The following ITGA9 variants were observed in gnomAD, a reference collection of about 807,000 sequenced individuals.
ITGA9 encodes the protein integrin subunit alpha 9.
A neutral mutation model predicts 127.8 loss-of-function variants in ITGA9; 56 were observed. The observed-to-expected ratio is 0.44, with a 90% confidence interval of 0.35 to 0.55. The LOEUF (loss-of-function observed/expected upper bound fraction) is 0.55, where lower values mean the gene tolerates loss of function less well. Among genes scored for constraint, ITGA9 ranks in the 20% least tolerant of loss-of-function variants. The pLI is 0.00. For synonymous variants in ITGA9, 508 were observed against 514.5 expected, an observed-to-expected ratio of 0.99 and a Z score of 0.17; for missense variants, 1,196 against 1,347.1, an observed-to-expected ratio of 0.89 and a Z score of 1.76.
At chr3:37,580,959 G>A (rs2125609604) in intron 15 of ITGA9, among the ~76,000 whole-genome samples, 1 of 152,268 alleles carries the variant, frequency 6.6e-6, no homozygotes, top group African/African-American at 2.4e-5. Flanking sequence ...TGGAACTTGA[G>A]GTTAATTCCT....
chr3:37,477,511 G>A (rs895648687), intron 3 of ITGA9, among the ~76,000 whole-genome samples: 1 of 152,160 alleles, frequency 6.6e-6, no homozygotes, highest in African/African-American at 2.4e-5. Flanking sequence ...TCAGCTCCAT[G>A]GACACTGTTG....
At chr3:37,796,446 G>A (rs1164369002) in intron 26 of ITGA9, among the ~76,000 whole-genome samples, 1 of 152,066 alleles carries the variant, frequency 6.6e-6, no homozygotes, top group East Asian at 1.9e-4. Flanking sequence ...AGGAGATACT[G>A]CAGACACATT....
intron 4 of ITGA9, among the ~76,000 whole-genome samples, chr3:37,492,295 G>T (rs1027157410): frequency 6.6e-6 from 1 of 152,246 alleles, no homozygotes; most frequent in South Asian, 2.1e-4. Flanking sequence ...ATGAAAGTCA[G>T]TGATGGTACC....
chr3:37,701,599 G>C (rs1007113203), intron 18 of ITGA9, among the ~76,000 whole-genome samples: 11 of 152,178 alleles, frequency 7.2e-5, no homozygotes, highest in Non-Finnish European at 1.3e-4. Flanking sequence ...TTAAGATCTT[G>C]ACACTTCTGG....
intron 1 of ITGA9, among the ~76,000 whole-genome samples, chr3:37,469,371 A>G (rs1698404489): frequency 6.6e-6 from 1 of 152,174 alleles, no homozygotes; most frequent in South Asian, 2.1e-4. Context: ...ATTTGCCCCT[A>G]AATGTCCATG....
chr3:37,674,493 T>C (rs1223419483), intron 17 of ITGA9, among the ~76,000 whole-genome samples: 1 of 152,226 alleles, frequency 6.6e-6, no homozygotes, highest in Admixed American at 6.5e-5. Flanking sequence ...TCTTCTTCAG[T>C]TGGTCCCTAG....
intron 17 of ITGA9, among the ~76,000 whole-genome samples, chr3:37,675,151 G>GT (rs1240026907): frequency 6.6e-5 from 10 of 152,190 alleles, no homozygotes; most frequent in African/African-American, 2.4e-4. Flanking sequence ...TGCCTACCAA[G>GT]TATCTTGCCA....
chr3:37,483,288 G>A (rs1460691296), intron 4 of ITGA9, among the ~76,000 whole-genome samples: 1 of 152,176 alleles, frequency 6.6e-6, no homozygotes, highest in Non-Finnish European at 1.5e-5. Flanking sequence ...CCATGTGTAC[G>A]CAGGTCCACG....
At chr3:37,457,022 T>G (rs1698267827) in intron 1 of ITGA9, among the ~76,000 whole-genome samples, 1 of 152,064 alleles carries the variant, frequency 6.6e-6, no homozygotes, top group Non-Finnish European at 1.5e-5. Context: ...CAGTGTGGGT[T>G]TAGAGCAATG....
At chr3:37,756,247 A>G (rs1334708518) in intron 23 of ITGA9, among the ~76,000 whole-genome samples, 1 of 152,164 alleles carries the variant, frequency 6.6e-6, no homozygotes, top group Non-Finnish European at 1.5e-5. Context: ...AAAACCCACA[A>G]ACATTAAACA....
chr3:37,584,748 C>T (rs1699741653), intron 15 of ITGA9, among the ~76,000 whole-genome samples: 1 of 151,888 alleles, frequency 6.6e-6, no homozygotes, highest in African/African-American at 2.4e-5. Context: ...GAGTGAGACT[C>T]CATCTCAAAT....
chr3:37,755,909 A>C (rs1370391282), intron 23 of ITGA9, among the ~76,000 whole-genome samples: 3 of 152,272 alleles, frequency 2.0e-5, no homozygotes, highest in African/African-American at 7.2e-5. Flanking sequence ...AATGTAGGAC[A>C]TCCAAACCAC....
intron 11 of ITGA9, 126 bp from the exon 12 acceptor site, chr3:37,523,395 C>T: frequency 1.7e-6 from 1 of 582,398 alleles, no homozygotes; most frequent in Non-Finnish European, 3.1e-6. Flanking sequence ...ATTAGGATTA[C>T]TTTTTTTTTT....
At chr3:37,544,912 C>T (rs1479147755) in intron 15 of ITGA9, among the ~76,000 whole-genome samples, 1 of 152,230 alleles carries the variant, frequency 6.6e-6, no homozygotes, top group Non-Finnish European at 1.5e-5. Context: ...ATGTTTATTT[C>T]TGGCAGTTAC....
intron 15 of ITGA9, among the ~76,000 whole-genome samples, chr3:37,589,719 C>A (rs1056130267): frequency 6.6e-6 from 1 of 152,110 alleles, no homozygotes; most frequent in Non-Finnish European, 1.5e-5. Context: ...GCAGGAGTGC[C>A]TGTTGTTCCA....
At chr3:37,490,967 C>CCCA (rs1553641996) in intron 4 of ITGA9, among the ~76,000 whole-genome samples, 2 of 45,706 alleles carry the variant, frequency 4.4e-5, no homozygotes, top group South Asian at 1.3e-3. Context: ...GATTTGGCTT[C>CCCA]CCCCCCGCTT....
intron 23 of ITGA9, among the ~76,000 whole-genome samples, chr3:37,757,734 AG>A (rs1218474712): frequency 6.6e-6 from 1 of 151,846 alleles, no homozygotes; most frequent in Admixed American, 6.5e-5. Flanking sequence ...TTAAAAAAAA[AG>A]TCCAACTAGA....
At chr3:37,778,275 C>T (rs1378051423) in intron 24 of ITGA9, among the ~76,000 whole-genome samples, 1 of 152,156 alleles carries the variant, frequency 6.6e-6, no homozygotes, top group Non-Finnish European at 1.5e-5. Context: ...TGGAAATGTC[C>T]TACATCCTAA....
chr3:37,818,246 G>GA (rs1697463765), intron 27 of ITGA9: 3 of 94,942 alleles, frequency 3.2e-5, no homozygotes, highest in East Asian at 7.2e-4. Context: ...ATTTGACCAT[G>GA]AAACCTTTTT....
Sources: gnomAD v4.1 joint callset for allele counts (sites outside exome capture counted in the v4.1 genomes callset) on GRCh38, gnomAD v4.1.1 for gene constraint, MANE v1.5 for transcripts, NCBI Gene and HGNC (gene_info 2026-07-23, HGNC 2026-07-21) for gene names.